The following FGGY variants were observed in gnomAD, a reference collection of about 807,000 sequenced individuals.
The protein encoded by FGGY is FGGY carbohydrate kinase domain containing.
FGGY carries 72 observed loss-of-function variants against 71.3 expected under a neutral mutation model. The ratio of observed to expected loss-of-function variants is 1.01; its 90% CI spans 0.84 to 1.23. The LOEUF (loss-of-function observed/expected upper bound fraction) is 1.23. Among genes scored for constraint, FGGY ranks in the 50% most tolerant of loss-of-function variants. The probability of loss-of-function intolerance (pLI) is 0.00; values close to 1 mark genes in which losing one functional copy is unlikely to be tolerated. For missense variants in FGGY, 668 were observed against 682.3 expected, an observed-to-expected ratio of 0.98 and a Z score of 0.23; for synonymous variants, 251 against 250.3, an observed-to-expected ratio of 1.00 and a Z score of -0.02.
intron 7 of FGGY, among the ~76,000 whole-genome samples, chr1:59,532,613 A>G (rs2095177647): frequency 6.6e-6 from 1 of 152,210 alleles, no homozygotes; most frequent in East Asian, 1.9e-4. Flanking sequence ...GCACATATTC[A>G]TGATTTTTTT....
chr1:59,653,035 GC>G (rs2097180266), intron 11 of FGGY, among the ~76,000 whole-genome samples: 1 of 152,190 alleles, frequency 6.6e-6, no homozygotes, highest in Non-Finnish European at 1.5e-5. Flanking sequence ...GTGTGCTCCT[GC>G]TGGGGGGTGC....
At chr1:59,521,094 G>A (rs1006080847) in intron 7 of FGGY, among the ~76,000 whole-genome samples, 20 of 152,224 alleles carry the variant, frequency 1.3e-4, no homozygotes, top group Admixed American at 5.9e-4. Flanking sequence ...GGAGAAAACC[G>A]TGCCAGTCCC....
At chr1:59,481,759 C>T (rs534976476) in intron 6 of FGGY, among the ~76,000 whole-genome samples, 1 of 152,206 alleles carries the variant, frequency 6.6e-6, no homozygotes, top group South Asian at 2.1e-4. Context: ...GGCCAGCGGT[C>T]TAAGTAAGAG....
intron 9 of FGGY, 57 bp downstream of exon 9, chr1:59,607,967 AT>A: frequency 7.1e-7 from 1 of 1,408,292 alleles, no homozygotes; most frequent in South Asian, 1.2e-5. Context: ...TGATTAGTCC[AT>A]TTTGTCACAT....
chr1:59,446,116 T>G (rs2071183627), intron 5 of FGGY, among the ~76,000 whole-genome samples: 1 of 152,238 alleles, frequency 6.6e-6, no homozygotes, highest in Non-Finnish European at 1.5e-5. Context: ...TTTTCTTTAC[T>G]TTCCTGCTTT....
intron 3 of FGGY, among the ~76,000 whole-genome samples, chr1:59,345,008 A>G (rs11578686): frequency 0.19 from 29,008 of 152,052 alleles, 3,342 homozygotes; most frequent in East Asian, 0.35. Context: ...ATCTAGTTCC[A>G]AAATACACTT....
intron 1 of FGGY, chr1:59,315,488 C>T (rs189117221): frequency 2.0e-5 from 3 of 149,716 alleles, no homozygotes; most frequent in African/African-American, 7.4e-5. Context: ...TTTCCTTTTC[C>T]TCAGATTCTT....
intron 14 of FGGY, among the ~76,000 whole-genome samples, chr1:59,739,577 A>G (rs1573901357): frequency 6.6e-6 from 1 of 152,146 alleles, no homozygotes; most frequent in South Asian, 2.1e-4. Context: ...CTGTCTGATA[A>G]CCCTACCACT....
intron 14 of FGGY, among the ~76,000 whole-genome samples, chr1:59,724,114 G>A (rs1311456585): frequency 2.0e-5 from 3 of 151,758 alleles, no homozygotes; most frequent in African/African-American, 7.3e-5. Context: ...AGTGAGCCAA[G>A]ATTGTGCCAC....
chr1:59,743,267 A>C (rs2098165541), intron 14 of FGGY, among the ~76,000 whole-genome samples: 1 of 152,132 alleles, frequency 6.6e-6, no homozygotes, highest in Non-Finnish European at 1.5e-5. Context: ...CTCCTTGTCA[A>C]CCTTCAGCTA....
intron 1 of FGGY, among the ~76,000 whole-genome samples, chr1:59,299,562 A>G (rs771884554): frequency 2.3e-4 from 35 of 152,204 alleles, no homozygotes; most frequent in Non-Finnish European, 1.2e-4. Flanking sequence ...TAGGAATGTT[A>G]TAAAGGTTCA....
chr1:59,343,412 T>A (rs1420323119), intron 3 of FGGY, among the ~76,000 whole-genome samples: 1 of 152,204 alleles, frequency 6.6e-6, no homozygotes, highest in East Asian at 1.9e-4. Flanking sequence ...GCCTAGCCAT[T>A]GGCTAGTCAT....
intron 8 of FGGY, among the ~76,000 whole-genome samples, chr1:59,585,854 G>A (rs1455256724): frequency 6.6e-6 from 1 of 152,118 alleles, no homozygotes; most frequent in Non-Finnish European, 1.5e-5. Flanking sequence ...TTGGGTGAAG[G>A]ATATGAACAG....
At chr1:59,755,052 C>T (rs1488982461) in intron 14 of FGGY, 1 of 152,210 alleles carries the variant, frequency 6.6e-6, no homozygotes, top group Non-Finnish European at 1.5e-5. Flanking sequence ...ATACTTCACC[C>T]TGGAAGGAGG....
chr1:59,687,353 C>T lies in FGGY; in HGVS notation c.1512+13220C>T, dbSNP rs540962989. Among the ~76,000 whole-genome samples, 3 of 152,354 alleles carry T rather than the reference C, an allele frequency of 2.0e-5. No homozygotes were observed. The South Asian group carries it at 6.2e-4, about 32-fold the overall frequency. On this transcript the variant is annotated intron_variant, in intron 14 of 15. Transcript: ENST00000303721. Reference sequence around the variant, plus strand: ...GTTCCTGGCTCTAGTCACACCACTGCCTCCTGTCATCCCTTGATTCCTAAG... The same window carrying T: ...GTTCCTGGCTCTAGTCACACCACTGTCTCCTGTCATCCCTTGATTCCTAAG...
intron 11 of FGGY, among the ~76,000 whole-genome samples, chr1:59,656,231 A>G (rs115860091): frequency 0.016 from 2,425 of 152,280 alleles, 76 homozygotes; most frequent in African/African-American, 0.056. Context: ...AGGCACATCA[A>G]TAAACACACT....
Position 59,638,325 on chromosome 1 carries a change from G to A in FGGY, c.1171G>A (p.Asp391Asn). 6.2e-7 allele frequency: 1 copy of A among 1,614,226 alleles called. No homozygotes were observed. The highest frequency in any genetic ancestry group is 1.1e-5 in the South Asian group (1 of 91,086). Reference sequence around the variant, plus strand: ...TACTGTTGATTTACATGTTTGGCCAGATTTCCATGGCAACCGGTCTCCCTT... The same window carrying A: ...TACTGTTGATTTACATGTTTGGCCAAATTTCCATGGCAACCGGTCTCCCTT... ...FLTVDLHVWP[D>N]FHGNRSPLAD... is the part of the protein sequence containing the mutation. Residue 391 changes from aspartate (D) to asparagine (N), a missense_variant, in exon 11 of 16, where the codon GAT becomes AAT. By Grantham distance (23) the Asp-to-Asn change is conservative (BLOSUM62 1). Transcript: ENST00000303721.
chr1:59,699,150 C>G, intron 14 of FGGY: 1 of 985,370 alleles, frequency 1.0e-6, no homozygotes, highest in South Asian at 4.7e-5. Context: ...ATACCACAAA[C>G]TTTTAGTATC....
At chr1:59,486,012 T>G (rs2153576286) in intron 6 of FGGY, among the ~76,000 whole-genome samples, 1 of 152,330 alleles carries the variant, frequency 6.6e-6, no homozygotes, top group African/African-American at 2.4e-5. Flanking sequence ...ACCTGTCTCC[T>G]AGACTTGTTG....
Sources: allele counts gnomAD v4.1 joint callset (sites outside exome capture counted in the v4.1 genomes callset), GRCh38; gene constraint gnomAD v4.1.1; transcripts MANE v1.5; gene names NCBI Gene and HGNC (gene_info 2026-07-23, HGNC 2026-07-21).